The following OGDH variants were observed in gnomAD, a reference collection of about 807,000 sequenced individuals.
The protein encoded by OGDH is oxoglutarate dehydrogenase.
Under a neutral mutation model 116.6 loss-of-function variants are expected in OGDH, and 38 were observed. The observed-to-expected ratio is 0.33, with a 90% CI of 0.25 to 0.43. The LOEUF (loss-of-function observed/expected upper bound fraction) is 0.43, where lower values mean the gene tolerates loss of function less well. OGDH is among the 20% of genes least tolerant of loss of function. OGDH has a pLI of 1.00. For synonymous variants in OGDH, 488 were observed against 533.3 expected (o/e 0.92, Z 1.17); for missense variants, 825 against 1,357.2 (o/e 0.61, Z 6.16).
chr7:44,677,531 G>A, intron 9 of OGDH, among the ~76,000 whole-genome samples: 1 of 152,092 alleles, frequency 6.6e-6, no homozygotes, highest in African/African-American at 2.4e-5. Context: ...GGAGGGGCCG[G>A]CCTCCTAGTT....
intron 2 of OGDH, among the ~76,000 whole-genome samples, chr7:44,637,391 C>T (rs1460032895): frequency 6.6e-6 from 1 of 152,214 alleles, no homozygotes; most frequent in Non-Finnish European, 1.5e-5. Flanking sequence ...ACTGGTTTTT[C>T]TTATTCTTGT....
intron 2 of OGDH, among the ~76,000 whole-genome samples, chr7:44,629,576 TTTTC>T (rs1199710934): frequency 0.061 from 4,352 of 70,834 alleles, 140 homozygotes; most frequent in Middle Eastern, 0.15. Context: ...TTTCTTTTTC[TTTTC>T]TTTTTTTTTT....
In OGDH at chr7:44,696,477, C is replaced by T. The variant is rs746332345; in HGVS notation, c.1820C>T (p.Thr607Met). The T allele has an allele frequency of 5.6e-6, 9 of 1,614,070 alleles. No homozygotes were observed. Among genetic ancestry groups the T allele is most frequent in the Non-Finnish European group, 5.9e-6 (7 of 1,180,014 alleles). Residue 607 changes from threonine to methionine, a missense_variant, in exon 14 of 23, where the codon ACG becomes ATG. By Grantham distance (81) the Thr-to-Met change is moderately conservative (BLOSUM62 -1). Around this residue, in one of 7 missense-constraint regions of OGDH, gnomAD observed 92 missense variants for 129.7 expected, o/e 0.71. Transcript: ENST00000222673. ...GQPRSMSCPSTGLTEDILTHI... is the reference protein window; with the variant it reads ...GQPRSMSCPSMGLTEDILTHI... The stretch of plus-strand genomic sequence containing the variant: ...CCCAGGAGCATGTCCTGCCCCTCCA[C>T]GGGTCTGACGGAGGATATTCTGACA...
intron 2 of OGDH, among the ~76,000 whole-genome samples, chr7:44,627,761 T>C (rs1785265714): frequency 6.6e-6 from 1 of 152,104 alleles, no homozygotes; most frequent in South Asian, 2.1e-4. Flanking sequence ...CACTGCAACC[T>C]CCACCTCCTG....
chr7:44,616,279 C>G (rs968984629), intron 1 of OGDH, among the ~76,000 whole-genome samples: 1 of 152,138 alleles, frequency 6.6e-6, no homozygotes, highest in Non-Finnish European at 1.5e-5. Flanking sequence ...TTTATCTACA[C>G]CCTCCCCAGT....
intron 9 of OGDH, among the ~76,000 whole-genome samples, chr7:44,681,182 T>C (rs1787914630): frequency 6.6e-6 from 1 of 152,196 alleles, no homozygotes; most frequent in Non-Finnish European, 1.5e-5. Flanking sequence ...ACTATACTCA[T>C]TGCCAAGGAA....
chr7:44,684,110 G>A (rs752236065), intron 10 of OGDH, among the ~76,000 whole-genome samples: 2 of 152,178 alleles, frequency 1.3e-5, no homozygotes, highest in Non-Finnish European at 2.9e-5. Flanking sequence ...ATATTGGGGA[G>A]CATCAGATCA....
chr7:44,639,768 G>A (rs1184725528), intron 2 of OGDH, among the ~76,000 whole-genome samples: 1 of 152,240 alleles, frequency 6.6e-6, no homozygotes, highest in East Asian at 1.9e-4. Flanking sequence ...TCCCCCAGTG[G>A]TGTGGGAACT....
intron 10 of OGDH, among the ~76,000 whole-genome samples, chr7:44,689,900 T>G (rs1243928628): frequency 1.3e-5 from 2 of 152,230 alleles, no homozygotes; most frequent in South Asian, 2.1e-4. Context: ...CTGTTTTTTC[T>G]TTTGTTGCTT....
chr7:44,678,026 T>C (rs1272633024), intron 9 of OGDH, among the ~76,000 whole-genome samples: 1 of 152,076 alleles, frequency 6.6e-6, no homozygotes, highest in Non-Finnish European at 1.5e-5. Context: ...GGGGAAGTGA[T>C]TCCCGCATCG....
chr7:44,636,683 A>G lies in OGDH; in HGVS notation c.223-8644A>G, dbSNP rs187780018. Among the ~76,000 whole-genome samples the G allele has an allele frequency of 5.9e-5, 9 of 152,350 alleles. No homozygotes were observed. In the East Asian group the frequency reaches 1.7e-3, roughly 29 times the overall value. ...AAAGAGCACTGGTCACTGTGAGGAA[A>G]GTGCATTATGGTTGCATAGAATTCT... is the stretch of plus-strand genomic sequence containing the variant. On this transcript the variant is annotated intron_variant, in intron 2 of 22. Coordinates refer to ENST00000222673, the MANE Select transcript of OGDH (RefSeq NM_002541.4).
chr7:44,699,067 C>T (rs1788711317), intron 18 of OGDH, among the ~76,000 whole-genome samples: 2 of 151,428 alleles, frequency 1.3e-5, no homozygotes, highest in Non-Finnish European at 2.9e-5. Flanking sequence ...TGCTTAAACC[C>T]GGGAAGCAGA....
intron 10 of OGDH, among the ~76,000 whole-genome samples, chr7:44,684,944 C>T (rs2116261415): frequency 6.6e-6 from 1 of 152,176 alleles, no homozygotes; most frequent in African/African-American, 2.4e-5. Flanking sequence ...CGTGCCACCA[C>T]ACCTGGCTAA....
At chr7:44,611,861 G>A (rs1209143793) in intron 1 of OGDH, among the ~76,000 whole-genome samples, 1 of 150,180 alleles carries the variant, frequency 6.7e-6, no homozygotes, top group African/African-American at 2.5e-5. Flanking sequence ...TTAGTCTTGT[G>A]GCCAGCTTTT....
intron 2 of OGDH, among the ~76,000 whole-genome samples, chr7:44,625,357 T>G (rs577247570): frequency 6.6e-6 from 1 of 152,316 alleles, no homozygotes; most frequent in East Asian, 1.9e-4. Context: ...ACCCCTGGCC[T>G]CAAGTGATCC....
At chr7:44,641,666 G>A (rs1167306643) in intron 2 of OGDH, among the ~76,000 whole-genome samples, 1 of 152,186 alleles carries the variant, frequency 6.6e-6, no homozygotes, top group East Asian at 1.9e-4. Flanking sequence ...AGTTATTGGA[G>A]GCCTGGGTAG....
rs1201421888 is a variant in OGDH at position 44,674,563 on chromosome 7, G to A, written c.935+6G>A. The A allele has an allele frequency of 6.2e-7, 1 of 1,613,848 alleles. No individual in the cohort carries two copies. The highest frequency in any genetic ancestry group is 1.1e-5 in the South Asian group (1 of 91,072). On this transcript the variant is annotated splice_donor_region_variant and intron_variant, in intron 7 of 22. Coordinates refer to ENST00000222673, the MANE Select transcript of OGDH (RefSeq NM_002541.4). ...ATCATGGGCATGCCACACAGGTACA[G>A]CCAAGGGCGCGCCCAACCTGGTTTC... is the stretch of plus-strand genomic sequence containing the variant.
At chr7:44,641,871 T>C (rs1785958611) in intron 2 of OGDH, among the ~76,000 whole-genome samples, 2 of 152,238 alleles carry the variant, frequency 1.3e-5, no homozygotes, top group Non-Finnish European at 2.9e-5. Context: ...CCCTGTGTCC[T>C]TGACAGAACC....
chr7:44,628,910 G>A (rs1399840457), intron 2 of OGDH, among the ~76,000 whole-genome samples: 2 of 152,108 alleles, frequency 1.3e-5, no homozygotes, highest in Non-Finnish European at 2.9e-5. Context: ...TGTCTCTGTG[G>A]TGGGCCCATC....
Sources: allele counts gnomAD v4.1 joint callset (sites outside exome capture counted in the v4.1 genomes callset), GRCh38; gene constraint gnomAD v4.1.1; regional missense constraint gnomAD v4.1.1; transcripts MANE v1.5; gene names NCBI Gene and HGNC (gene_info 2026-07-23, HGNC 2026-07-21).